The following RBM33 variants were observed in gnomAD, a reference collection of about 807,000 sequenced individuals.
The protein encoded by RBM33 is RNA binding motif protein 33.
Under a neutral mutation model 132.6 loss-of-function variants are expected in RBM33, and 28 were observed. The observed-to-expected ratio is 0.21, with a 90% CI of 0.16 to 0.29. The LOEUF (loss-of-function observed/expected upper bound fraction) is 0.29, where lower values mean the gene tolerates loss of function less well. RBM33 is among the 10% of genes least tolerant of loss of function. The pLI is 1.00. For synonymous variants in RBM33, 634 were observed against 593.0 expected, an observed-to-expected ratio of 1.07 and a Z score of -1.01; for missense variants, 1,291 against 1,518.5, an observed-to-expected ratio of 0.85 and a Z score of 2.49.
At chr7:155,673,721 T>C (rs1414804881) in intron 3 of RBM33, among the ~76,000 whole-genome samples, 17 of 139,912 alleles carry the variant, frequency 1.2e-4, no homozygotes, top group Non-Finnish European at 1.8e-4. Context: ...TGTATATATA[T>C]ACACACACAT....
chr7:155,742,227 G>GT, intron 13 of RBM33, 121 bp downstream of exon 13: 5 of 890,482 alleles, frequency 5.6e-6, no homozygotes, highest in Admixed American at 3.4e-5. Context: ...TTTCACCTGG[G>GT]TCTTTTTTTT....
At chr7:155,673,620 ATATATACACACATATACATACACACGTG>A (rs879918255) in intron 3 of RBM33, among the ~76,000 whole-genome samples, 39,856 of 93,634 alleles carry the variant, frequency 0.43, 13,819 homozygotes, top group South Asian at 0.56. Flanking sequence ...ACACGTGTAT[ATATATACACACATATACATACACACGTG>A]TATATATACA....
chr7:155,733,234 G>T (rs555844815), intron 9 of RBM33, among the ~76,000 whole-genome samples: 2 of 152,260 alleles, frequency 1.3e-5, no homozygotes, highest in East Asian at 3.9e-4. Flanking sequence ...TGACTTGGGG[G>T]TACACTACCA....
At chr7:155,681,097 T>C (rs1221293371) in intron 5 of RBM33, among the ~76,000 whole-genome samples, 189 bp downstream of exon 5, 1 of 152,246 alleles carries the variant, frequency 6.6e-6, no homozygotes, top group African/African-American at 2.4e-5. Flanking sequence ...CCAGAGGTAA[T>C]GCTCCTTTGT....
chr7:155,768,586 A>G (rs1802300016), intron 16 of RBM33, among the ~76,000 whole-genome samples: 1 of 152,120 alleles, frequency 6.6e-6, no homozygotes, highest in South Asian at 2.1e-4. Context: ...GGGCCTTTTA[A>G]TTTTAGAAGA....
chr7:155,771,809 G>A (rs1426209766), intron 16 of RBM33, among the ~76,000 whole-genome samples: 1 of 152,140 alleles, frequency 6.6e-6, no homozygotes, highest in Non-Finnish European at 1.5e-5. Context: ...CTGTGATCAT[G>A]ATTCACTGCA....
intron 5 of RBM33, among the ~76,000 whole-genome samples, chr7:155,692,111 G>C (rs1799662081): frequency 6.6e-6 from 1 of 151,636 alleles, no homozygotes; most frequent in African/African-American, 2.4e-5. Flanking sequence ...GTGTGGGGGA[G>C]GAGGGAGAAA....
At chr7:155,706,494 G>C (rs557134957) in intron 6 of RBM33, among the ~76,000 whole-genome samples, 1 of 151,944 alleles carries the variant, frequency 6.6e-6, no homozygotes, top group Non-Finnish European at 1.5e-5. Context: ...ACTCTGTCTC[G>C]GGGGGAAAAA....
In RBM33 at chr7:155,766,504, C is replaced by T. The variant is rs1251691358; in HGVS notation, c.3224C>T (p.Pro1075Leu). The change falls in exon 16 of 18, where the codon CCC (proline) becomes CTC (leucine). Residue 1075 changes from proline (P) to leucine (L), a missense_variant. Pro to Leu is a moderately conservative substitution (Grantham distance 98). This residue lies in a region of RBM33 where 841 missense variants were observed against 912.0 expected (regional missense o/e 0.92). Transcript: ENST00000401878. Reference protein sequence around the residue: ...MHGRGRGVAGPMGRGRLMPNK... With the variant: ...MHGRGRGVAGLMGRGRLMPNK... ...GGACGAGGCAGAGGAGTGGCCGGTC[C>T]CATGGGCCGGGGGCGCCTGATGCCA... is the stretch of plus-strand genomic sequence containing the variant. The T allele has an allele frequency of 2.5e-6, 4 of 1,613,570 alleles. No homozygotes were observed. In the African/African-American group the frequency reaches 5.3e-5, roughly 22 times the overall value.
At chr7:155,720,112 A>G (rs961008508) in intron 9 of RBM33, among the ~76,000 whole-genome samples, 2 of 152,220 alleles carry the variant, frequency 1.3e-5, no homozygotes, top group Non-Finnish European at 2.9e-5. Context: ...AGTTTTGAAC[A>G]GTTTCTGCGA....
chr7:155,726,723 TC>T (rs1800803746), intron 9 of RBM33, among the ~76,000 whole-genome samples: 1 of 152,224 alleles, frequency 6.6e-6, no homozygotes, highest in African/African-American at 2.4e-5. Context: ...AAAGAAATGA[TC>T]ACATCAGTAG....
At chr7:155,651,130 G>A (rs529993423) in intron 1 of RBM33, among the ~76,000 whole-genome samples, 5 of 152,166 alleles carry the variant, frequency 3.3e-5, no homozygotes, top group Non-Finnish European at 5.9e-5. Flanking sequence ...TGCCCGCCTC[G>A]GCCTCCCAAA....
intron 6 of RBM33, 70 bp downstream of exon 6, chr7:155,701,014 T>A (rs1483374051): frequency 3.0e-6 from 4 of 1,347,346 alleles, no homozygotes; most frequent in Non-Finnish European, 4.2e-6. Flanking sequence ...TTGCTGTAAT[T>A]AATCAAAGTA....
At position 155,758,701 on chromosome 7, in the gene RBM33, A is replaced by T. The variant is rs561312811; in HGVS notation, c.2980-5111A>T. On this transcript the variant is annotated intron_variant, in intron 14 of 17. Transcript: ENST00000401878. ...ACCCAGGCAGGGCTTCTTTCTGCTG[A>T]GCAGGTTTGTAGGAAGAGTCTTTCC... 2.0e-5 allele frequency among the ~76,000 whole-genome samples: 3 copies of T among 152,296 alleles called. No individual in the cohort carries two copies. In the South Asian group the frequency reaches 6.2e-4, roughly 32 times the overall value.
intron 9 of RBM33, among the ~76,000 whole-genome samples, chr7:155,730,100 C>T (rs1022080207): frequency 1.1e-4 from 17 of 152,274 alleles, no homozygotes; most frequent in Admixed American, 3.3e-4. Context: ...TATTTATGAC[C>T]GCCTGTGTGC....
chr7:155,647,367 T>C (rs138020994), intron 1 of RBM33, among the ~76,000 whole-genome samples: 3 of 152,330 alleles, frequency 2.0e-5, no homozygotes, highest in African/African-American at 7.2e-5. Flanking sequence ...AAATAGGTCT[T>C]GGCTATCCAC....
intron 14 of RBM33, among the ~76,000 whole-genome samples, chr7:155,754,076 C>T (rs1056771593): frequency 1.3e-5 from 2 of 152,146 alleles, no homozygotes; most frequent in Non-Finnish European, 2.9e-5. Flanking sequence ...ATCATGTGGC[C>T]TCTAAACATG....
chr7:155,735,842 C>T (rs563392544), intron 9 of RBM33, among the ~76,000 whole-genome samples: 1 of 152,212 alleles, frequency 6.6e-6, no homozygotes, highest in Non-Finnish European at 1.5e-5. Flanking sequence ...TTCTCACTTA[C>T]AAATATATTC....
At chr7:155,773,979 T>C (rs570262218) in intron 16 of RBM33, among the ~76,000 whole-genome samples, 2 of 152,368 alleles carry the variant, frequency 1.3e-5, no homozygotes, top group African/African-American at 4.8e-5. Context: ...CAGATACCAC[T>C]GTTTAAGACT....
Sources: gnomAD v4.1 joint callset for allele counts (sites outside exome capture counted in the v4.1 genomes callset) on GRCh38, gnomAD v4.1.1 for gene constraint, gnomAD v4.1.1 regional missense constraint, MANE v1.5 for transcripts, NCBI Gene and HGNC (gene_info 2026-07-23, HGNC 2026-07-21) for gene names.